Variants in ARHGEF28 observed in about 807,000 individuals in gnomAD.
The protein encoded by ARHGEF28 is Rho guanine nucleotide exchange factor 28.
ARHGEF28 carries 152 observed loss-of-function variants against 206.6 expected under a neutral mutation model. The ratio of observed to expected loss-of-function variants is 0.74; its 90% CI spans 0.64 to 0.84. ARHGEF28 has a LOEUF of 0.84. ARHGEF28 is among the 40% of genes least tolerant of loss of function. ARHGEF28 has a pLI of 0.00. For synonymous variants in ARHGEF28, 763 were observed against 776.4 expected (o/e 0.98, Z 0.29); for missense variants, 2,028 against 2,073.2 (o/e 0.98, Z 0.42).
chr5:73,685,535 C>T (rs1034543270), intron 2 of ARHGEF28, among the ~76,000 whole-genome samples: 1 of 152,032 alleles, frequency 6.6e-6, no homozygotes, highest in African/African-American at 2.4e-5. Flanking sequence ...TGAGGTGGGG[C>T]CTGGGCAGGT....
At chr5:73,823,973 A>AT (rs1162522541) in intron 9 of ARHGEF28, among the ~76,000 whole-genome samples, 1 of 152,232 alleles carries the variant, frequency 6.6e-6, no homozygotes, top group Admixed American at 6.5e-5. Context: ...CACCATAGTT[A>AT]TGTTAGCTAC....
chr5:73,853,888 T>C (rs765410985), intron 14 of ARHGEF28, among the ~76,000 whole-genome samples: 2 of 152,200 alleles, frequency 1.3e-5, no homozygotes, highest in Non-Finnish European at 2.9e-5. Context: ...TAAAAAATAT[T>C]CATTTGTCAT....
rs10655836 is a variant in ARHGEF28, at chr5:73,643,814, C to CAAAA, written c.-12+17507_-12+17510dup. 3.9e-3 allele frequency among the ~76,000 whole-genome samples: 485 copies of CAAAA among 123,068 alleles called. 3 individuals carry two copies. Among genetic ancestry groups the CAAAA allele is most frequent in the African/African-American group, 0.013 (439 of 34,386 alleles). 80.7% of individuals were successfully genotyped at this position (123,068 alleles called of 152,430 possible). A position where few individuals can be genotyped will look rare whatever the true frequency, so the allele number is the denominator to read the frequency against. ...TGGGAAAAAGGGTGAGGCCCTGTCT[C>CAAAA]AAAAAAAAAAAAAAAAAATTCACTG... On this transcript the variant is annotated intron_variant, in intron 1 of 35. Transcript: ENST00000513042.
At chr5:73,701,228 A>G (rs1241239628) in intron 2 of ARHGEF28, among the ~76,000 whole-genome samples, 1 of 152,212 alleles carries the variant, frequency 6.6e-6, no homozygotes, top group Non-Finnish European at 1.5e-5. Context: ...AACACCTTAT[A>G]TGTCATTGTG....
chr5:73,844,593 G>C (rs930378177), intron 11 of ARHGEF28, among the ~76,000 whole-genome samples: 1 of 143,296 alleles, frequency 7.0e-6, no homozygotes, highest in African/African-American at 2.6e-5. Context: ...TTAATTCAAA[G>C]TTTCATTTTC....
At chr5:73,679,075 G>C (rs1177809784) in intron 1 of ARHGEF28, among the ~76,000 whole-genome samples, 2 of 152,186 alleles carry the variant, frequency 1.3e-5, no homozygotes, top group African/African-American at 2.4e-5. Context: ...TATTTTTGTA[G>C]AGATAGGGTC....
At position 73,628,456 on chromosome 5, in the gene ARHGEF28, A is replaced by G. The variant is rs181715893; in HGVS notation, c.-12+2134A>G. 2.0e-5 allele frequency among the ~76,000 whole-genome samples: 3 copies of G among 152,328 alleles called. No homozygotes were observed. The East Asian group carries it at 5.8e-4, about 29-fold the overall frequency. On this transcript the variant is annotated intron_variant, in intron 1 of 35. Transcript: ENST00000513042. ...GGGCATGGCTAGGATGGTACTGAAC[A>G]GAGCCTAAATTACCTAGGCTGACTA...
At chr5:73,906,367 G>T (rs1431218733) in intron 33 of ARHGEF28, among the ~76,000 whole-genome samples, 1 of 152,082 alleles carries the variant, frequency 6.6e-6, no homozygotes, top group Non-Finnish European at 1.5e-5. Context: ...GCCTCCCAAG[G>T]AGCTGAGACT....
intron 1 of ARHGEF28, among the ~76,000 whole-genome samples, chr5:73,677,757 A>G (rs1746796723): frequency 6.6e-6 from 1 of 152,234 alleles, no homozygotes; most frequent in African/African-American, 2.4e-5. Context: ...GCTGTGTACT[A>G]AGGCCCCAAG....
chr5:73,923,166 TAA>T, intron 35 of ARHGEF28: 1 of 1,535,458 alleles, frequency 6.5e-7, no homozygotes, highest in Non-Finnish European at 8.7e-7. Context: ...CTTTGAAAGG[TAA>T]TACTGCAAGG....
At chr5:73,779,617 T>C (rs1179551522) in intron 6 of ARHGEF28, among the ~76,000 whole-genome samples, 1 of 152,120 alleles carries the variant, frequency 6.6e-6, no homozygotes, top group Non-Finnish European at 1.5e-5. Flanking sequence ...GCTGGCTGTC[T>C]TAGACCTTGA....
chr5:73,768,536 A>T (rs553202076), intron 4 of ARHGEF28, among the ~76,000 whole-genome samples: 1 of 152,154 alleles, frequency 6.6e-6, no homozygotes, highest in African/African-American at 2.4e-5. Flanking sequence ...TAGGGCCTGT[A>T]GCCTCTTTGT....
chr5:73,795,885 G>A (rs1006936936), intron 9 of ARHGEF28, among the ~76,000 whole-genome samples: 1 of 152,232 alleles, frequency 6.6e-6, no homozygotes, highest in Non-Finnish European at 1.5e-5. Context: ...GAAAAGACCA[G>A]ATGTTTGTTC....
intron 1 of ARHGEF28, among the ~76,000 whole-genome samples, chr5:73,651,640 A>G (rs945055935): frequency 6.6e-6 from 1 of 152,144 alleles, no homozygotes; most frequent in Non-Finnish European, 1.5e-5. Flanking sequence ...TACACTGAAA[A>G]TCTTTTATTT....
intron 2 of ARHGEF28, among the ~76,000 whole-genome samples, chr5:73,742,155 T>C (rs571732180): frequency 6.6e-6 from 1 of 152,342 alleles, no homozygotes; most frequent in African/African-American, 2.4e-5. Flanking sequence ...TAGTTTTGCA[T>C]GGATGTCTTT....
intron 2 of ARHGEF28, among the ~76,000 whole-genome samples, chr5:73,706,671 C>T (rs1255035184): frequency 2.0e-5 from 3 of 152,094 alleles, no homozygotes; most frequent in African/African-American, 7.2e-5. Context: ...TTATAAATCT[C>T]AACTTTTAAG....
chr5:73,675,781 T>C lies in ARHGEF28; in HGVS notation c.-11-9060T>C, dbSNP rs1055185411. On this transcript the variant is annotated intron_variant, in intron 1 of 35. Coordinates refer to ENST00000513042, the MANE Select transcript of ARHGEF28 (RefSeq NM_001177693.2). Reference sequence around the variant, plus strand: ...AAAATAAGCATATTTATAAAGTTTATATTTCAATTCCTTGGCTAAAAAGGA... The same window carrying C: ...AAAATAAGCATATTTATAAAGTTTACATTTCAATTCCTTGGCTAAAAAGGA... 4.0e-5 allele frequency among the ~76,000 whole-genome samples: 6 copies of C among 149,608 alleles called. No individual in the cohort carries two copies. The South Asian group carries it at 1.3e-3, about 32-fold the overall frequency.
intron 2 of ARHGEF28, among the ~76,000 whole-genome samples, chr5:73,722,158 G>A (rs1036348477): frequency 6.6e-6 from 1 of 152,190 alleles, no homozygotes; most frequent in South Asian, 2.1e-4. Context: ...TATTTAATAG[G>A]CTAAGCAAAA....
At chr5:73,777,351 A>C (rs1033255912) in intron 6 of ARHGEF28, among the ~76,000 whole-genome samples, 5 of 152,084 alleles carry the variant, frequency 3.3e-5, no homozygotes, top group Admixed American at 3.3e-4. Flanking sequence ...ATAAGGCTTG[A>C]GTCAATCTAG....
Sources: allele counts gnomAD v4.1 joint callset (sites outside exome capture counted in the v4.1 genomes callset), GRCh38; gene constraint gnomAD v4.1.1; transcripts MANE v1.5; gene names NCBI Gene and HGNC (gene_info 2026-07-23, HGNC 2026-07-21).